The following CASD1 variants were observed in gnomAD, a reference collection of about 807,000 sequenced individuals.
The protein encoded by CASD1 is CAS1 domain sialic acid O acetyltransferase 1, also known as N-acetylneuraminate (7)9-O-acetyltransferase.
In CASD1, 41 loss-of-function variants were observed where a neutral mutation model predicts 100.0. The observed-to-expected ratio is 0.41, with a 90% CI of 0.32 to 0.53. CASD1 has a LOEUF of 0.53. Ranked by LOEUF, CASD1 falls within the 20% of genes least tolerant of loss-of-function variation. The pLI, the probability that CASD1 is intolerant of heterozygous loss-of-function variation, is 0.25. For missense variants in CASD1, 774 were observed against 948.7 expected, an observed-to-expected ratio of 0.82 and a Z score of 2.42; for synonymous variants, 321 against 315.6, an observed-to-expected ratio of 1.02 and a Z score of -0.18.
At chr7:94,559,999 G>A (rs1186172804), downstream of CASD1, among the ~76,000 whole-genome samples, 1 of 151,940 alleles carries the variant, frequency 6.6e-6, no homozygotes, top group Non-Finnish European at 1.5e-5. Context: ...TCTATATCTG[G>A]CAGTTTTGTT....
At chr7:94,589,111 C>T in the CASD1 span, 4 of 249,478 alleles carry the variant, frequency 1.6e-5, no homozygotes, top group African/African-American at 6.6e-5. Context: ...TTAACCTATA[C>T]ACTTTCAGAT....
At chr7:94,618,628 A>C in the CASD1 span, 1 of 737,690 alleles carries the variant, frequency 1.4e-6, no homozygotes, top group Non-Finnish European at 2.2e-6. Flanking sequence ...TAGTATGTTC[A>C]TATCTTTACA....
chr7:94,632,601 A>ATGTGACT, the CASD1 span, among the ~76,000 whole-genome samples: 1 of 152,148 alleles, frequency 6.6e-6, no homozygotes, highest in Admixed American at 6.6e-5. Flanking sequence ...CATCATCTAG[A>ATGTGACT]AATGGAAAAT....
chr7:94,613,204 GCTT>G, the CASD1 span, among the ~76,000 whole-genome samples: 1 of 152,138 alleles, frequency 6.6e-6, no homozygotes, highest in Non-Finnish European at 1.5e-5. Context: ...TATATTTATG[GCTT>G]CTTTTGTAGA....
chr7:94,614,135 G>T, the CASD1 span, among the ~76,000 whole-genome samples: 2 of 138,844 alleles, frequency 1.4e-5, no homozygotes, highest in South Asian at 2.3e-4. Flanking sequence ...AAAAAACACA[G>T]TAAATGTCAT....
intron 3 of CASD1, among the ~76,000 whole-genome samples, chr7:94,518,807 T>A (rs1794105204): frequency 6.6e-6 from 1 of 152,058 alleles, no homozygotes; most frequent in South Asian, 2.1e-4. Context: ...ATTGAGTGGA[T>A]ATAATGTAAT....
At chr7:94,544,864 T>C (rs1795599022) in intron 11 of CASD1, among the ~76,000 whole-genome samples, 1 of 152,098 alleles carries the variant, frequency 6.6e-6, no homozygotes, top group South Asian at 2.1e-4. Flanking sequence ...ATTAATTAAG[T>C]TTCTACCTAG....
the CASD1 span, chr7:94,598,543 T>C: frequency 2.0e-6 from 1 of 498,354 alleles, no homozygotes; most frequent in African/African-American, 1.9e-5. Flanking sequence ...TTCTTAAATA[T>C]TAAGGTATAT....
chr7:94,568,656 G>A, the CASD1 span, among the ~76,000 whole-genome samples: 4 of 152,214 alleles, frequency 2.6e-5, no homozygotes, highest in Non-Finnish European at 5.9e-5. Context: ...TGGTCTGAAT[G>A]TGTATGAATT....
the CASD1 span, chr7:94,599,421 T>C: frequency 7.0e-6 from 3 of 426,878 alleles, no homozygotes; most frequent in East Asian, 4.0e-5. Context: ...GAAATGCAGA[T>C]TGGAAATCAC....
At chr7:94,548,925 A>G (rs1407333035) in intron 13 of CASD1, among the ~76,000 whole-genome samples, 1 of 151,998 alleles carries the variant, frequency 6.6e-6, no homozygotes, top group Non-Finnish European at 1.5e-5. Flanking sequence ...GGTACTATTC[A>G]CTAACTTTAT....
the CASD1 span, chr7:94,600,386 C>T: frequency 4.8e-6 from 2 of 416,590 alleles, no homozygotes; most frequent in African/African-American, 2.0e-5. Flanking sequence ...CTCAATTATT[C>T]TTGGGACTGT....
intron 3 of CASD1, among the ~76,000 whole-genome samples, chr7:94,522,364 A>G (rs1466258986): frequency 1.3e-5 from 2 of 152,238 alleles, no homozygotes; most frequent in East Asian, 3.8e-4. Context: ...CTTTCTAATG[A>G]CGAAGAGTTC....
At chr7:94,590,686 T>A in the CASD1 span, 1 of 152,156 alleles carries the variant, frequency 6.6e-6, no homozygotes, top group Non-Finnish European at 1.5e-5. Context: ...AGAACTGTGA[T>A]GTACAAAAGA....
intron 4 of CASD1, 145 bp downstream of exon 4, chr7:94,527,351 T>G (rs551782093): frequency 1.6e-6 from 1 of 612,762 alleles, no homozygotes; most frequent in East Asian, 2.8e-5. Context: ...GTGAGTTATT[T>G]TATGTAATGG....
At chr7:94,528,285 TTATTTTTATTCCCTTTACACAAGCA>T in intron 5 of CASD1, 35 bp downstream of exon 5, 1 of 1,356,744 alleles carries the variant, frequency 7.4e-7, no homozygotes, top group South Asian at 1.3e-5. Flanking sequence ...TTTTTTTTTT[TTATTTTTATTCCCTTTACACAAGCA>T]TATTTTTATT....
chr7:94,570,176 T>TTTATTAATTATTTTCTGCCTGTC, the CASD1 span, among the ~76,000 whole-genome samples: 1 of 152,106 alleles, frequency 6.6e-6, no homozygotes, highest in African/African-American at 2.4e-5. Context: ...CTTCTGCCAT[T>TTTATTAATTATTTTCTGCCTGTC]TTATTAATTA....
At chr7:94,582,711 TC>T in the CASD1 span, among the ~76,000 whole-genome samples, 3 of 152,228 alleles carry the variant, frequency 2.0e-5, no homozygotes, top group Non-Finnish European at 4.4e-5. Context: ...CTAGGTGAAG[TC>T]CTGCTGTGAT....
At chr7:94,513,929 T>C (rs981976234) in intron 1 of CASD1, among the ~76,000 whole-genome samples, 2 of 152,190 alleles carry the variant, frequency 1.3e-5, no homozygotes, top group Non-Finnish European at 2.9e-5. Flanking sequence ...CCATTTTAAC[T>C]ATATTTTTTC....
Sources: gnomAD v4.1 joint callset for allele counts (sites outside exome capture counted in the v4.1 genomes callset) on GRCh38, gnomAD v4.1.1 for gene constraint, MANE v1.5 for transcripts, NCBI Gene and HGNC (gene_info 2026-07-23, HGNC 2026-07-21) for gene names.